Variants in SLIT1 observed in about 807,000 individuals in gnomAD.
SLIT1 encodes slit guidance ligand 1.
SLIT1 carries 66 observed loss-of-function variants against 186.1 expected under a neutral mutation model. The observed-to-expected ratio is 0.35, with a 90% confidence interval of 0.29 to 0.44. The LOEUF is 0.44. SLIT1 is among the 20% of genes least tolerant of loss of function. The pLI is 1.00. For synonymous variants in SLIT1, 761 were observed against 833.8 expected (o/e 0.91, Z 1.50); for missense variants, 1,638 against 2,037.4 (o/e 0.80, Z 3.77).
At chr10:97,141,375 C>A (rs1427547042) in intron 4 of SLIT1, among the ~76,000 whole-genome samples, 1 of 152,222 alleles carries the variant, frequency 6.6e-6, no homozygotes, top group Non-Finnish European at 1.5e-5. Context: ...ATTTTCTTTT[C>A]ATCGCACCAA....
At chr10:97,015,898 G>A (rs1010459420) in intron 28 of SLIT1, among the ~76,000 whole-genome samples, 5 of 151,978 alleles carry the variant, frequency 3.3e-5, no homozygotes, top group Non-Finnish European at 7.4e-5. Context: ...AATATATTTG[G>A]TTAGAAAAAA....
chr10:97,032,758 G>T (rs1848603302), intron 23 of SLIT1, among the ~76,000 whole-genome samples: 1 of 152,058 alleles, frequency 6.6e-6, no homozygotes, highest in Non-Finnish European at 1.5e-5. Context: ...GTGTTCCCCA[G>T]CAGACGAATG....
Position 97,046,779 on chromosome 10 carries a change from CTTG to C in SLIT1, c.1725_1727del (p.Asn575del). ...AGGCCCCATCTTCAATTTCTGACAC[CTTG>C]TTGTTGCTCAGATTGCTGGGAGAAG... is the stretch of plus-strand genomic sequence containing the variant. On this transcript the variant is annotated inframe_deletion, in exon 18 of 37. Coordinates refer to ENST00000266058, the MANE Select transcript of SLIT1 (RefSeq NM_003061.3). 1 of 1,612,372 alleles carries C rather than the reference CTTG, an allele frequency of 6.2e-7. No homozygotes were observed. The highest frequency in any genetic ancestry group is 8.5e-7 in the Non-Finnish European group (1 of 1,180,028).
intron 12 of SLIT1, among the ~76,000 whole-genome samples, 159 bp from the exon 13 acceptor site, chr10:97,056,623 A>G (rs1198089328): frequency 6.6e-6 from 1 of 152,170 alleles, no homozygotes; most frequent in African/African-American, 2.4e-5. Context: ...TGCCCCACGG[A>G]GAGGGGCCCG....
At chr10:97,121,305 C>G (rs1849558187) in intron 4 of SLIT1, among the ~76,000 whole-genome samples, 1 of 152,260 alleles carries the variant, frequency 6.6e-6, no homozygotes, top group Non-Finnish European at 1.5e-5. Flanking sequence ...GGCTTACCCC[C>G]TCCCTTCTGC....
chr10:97,099,585 G>T (rs189462593), intron 4 of SLIT1, among the ~76,000 whole-genome samples: 156 of 152,258 alleles, frequency 1.0e-3, no homozygotes, highest in African/African-American at 3.7e-3. Flanking sequence ...CTGTGGCCTG[G>T]CCCCCTTTCT....
intron 4 of SLIT1, among the ~76,000 whole-genome samples, chr10:97,120,306 T>C (rs1342129498): frequency 6.6e-6 from 1 of 152,084 alleles, no homozygotes; most frequent in African/African-American, 2.4e-5. Flanking sequence ...TTTGGGGCTC[T>C]GTGAGAAAGG....
At chr10:97,147,289 G>A (rs761276003) in intron 4 of SLIT1, among the ~76,000 whole-genome samples, 1 of 152,138 alleles carries the variant, frequency 6.6e-6, no homozygotes, top group South Asian at 2.1e-4. Flanking sequence ...AGGAGCTATT[G>A]CTCAATGGGT....
At chr10:97,114,053 G>A (rs910685860) in intron 4 of SLIT1, among the ~76,000 whole-genome samples, 1 of 152,126 alleles carries the variant, frequency 6.6e-6, no homozygotes, top group Admixed American at 6.5e-5. Flanking sequence ...GGATACTCAG[G>A]GACTGTCCTA....
intron 28 of SLIT1, among the ~76,000 whole-genome samples, chr10:97,017,334 G>A (rs1449147631): frequency 6.6e-6 from 1 of 152,244 alleles, no homozygotes; most frequent in Non-Finnish European, 1.5e-5. Context: ...GTATGCAGAG[G>A]CAGGCTCAGC....
chr10:97,025,872 G>A (rs972634963), intron 25 of SLIT1, among the ~76,000 whole-genome samples: 4 of 152,118 alleles, frequency 2.6e-5, no homozygotes, highest in Non-Finnish European at 2.9e-5. Context: ...ACTCCTAGGC[G>A]ATCTATCTGT....
Position 97,064,816 on chromosome 10 carries a change from C to T in SLIT1, c.546G>A (p.Gly182=), listed in dbSNP as rs1428543085. 1.9e-6 allele frequency: 3 copies of T among 1,610,874 alleles called. No individual in the cohort carries two copies. The highest frequency in any genetic ancestry group is 2.5e-6 in the Non-Finnish European group (3 of 1,178,308). ...CATGCTTTACTTACAGCACCTCCAG[C>T]CCCCGCAGAGCACGGAAGGCCCCTT... is the stretch of plus-strand genomic sequence containing the variant. ...IEEGAFRALR[G]LEVLTLNNNN... The change falls in exon 6 of 37, where the codon GGG becomes GGA. Residue 182 remains glycine, a synonymous_variant. Transcript: ENST00000266058.
intron 3 of SLIT1, among the ~76,000 whole-genome samples, chr10:97,159,248 G>A (rs1369503944): frequency 6.6e-6 from 1 of 152,188 alleles, no homozygotes; most frequent in African/African-American, 2.4e-5. Flanking sequence ...TCTAATATGT[G>A]AGAAAGGCCA....
intron 4 of SLIT1, among the ~76,000 whole-genome samples, chr10:97,140,381 T>C (rs1274476324): frequency 6.6e-6 from 1 of 151,998 alleles, no homozygotes; most frequent in Non-Finnish European, 1.5e-5. Flanking sequence ...GTGAAATATT[T>C]CCTCCCTCTC....
At chr10:97,016,055 T>A (rs531198370) in intron 28 of SLIT1, among the ~76,000 whole-genome samples, 19 of 152,336 alleles carry the variant, frequency 1.2e-4, no homozygotes, top group African/African-American at 4.6e-4. Flanking sequence ...ATGCCTGTAA[T>A]CCCAGCACTT....
chr10:97,057,305 A>G, intron 11 of SLIT1, 24 bp from the exon 12 acceptor site: 1 of 1,607,372 alleles, frequency 6.2e-7, no homozygotes, highest in East Asian at 2.2e-5. Context: ...AGCAGAGAGG[A>G]GGGTTAGAGG....
intron 4 of SLIT1, among the ~76,000 whole-genome samples, chr10:97,090,404 G>A (rs929949800): frequency 1.3e-5 from 2 of 152,046 alleles, no homozygotes; most frequent in African/African-American, 4.8e-5. Context: ...AGAGCTGGAA[G>A]TGTCAGGGAA....
At chr10:97,162,806 C>G (rs1266459341) in intron 3 of SLIT1, among the ~76,000 whole-genome samples, 1 of 151,720 alleles carries the variant, frequency 6.6e-6, no homozygotes, top group Non-Finnish European at 1.5e-5. Context: ...AGTGCCCATC[C>G]CCCACCTCAC....
intron 4 of SLIT1, among the ~76,000 whole-genome samples, chr10:97,130,618 C>T (rs193271191): frequency 6.6e-6 from 1 of 152,254 alleles, no homozygotes; most frequent in Admixed American, 6.5e-5. Context: ...AGCCTGACTG[C>T]CTAGGTTCAA....
Sources: gnomAD v4.1 joint callset for allele counts (sites outside exome capture counted in the v4.1 genomes callset) on GRCh38, gnomAD v4.1.1 for gene constraint, MANE v1.5 for transcripts, NCBI Gene and HGNC (gene_info 2026-07-23, HGNC 2026-07-21) for gene names.